Variants in KCNA2 observed in about 807,000 individuals in gnomAD.
KCNA2 encodes potassium channel, voltage gated shaker related subfamily A, member 2.
KCNA2 carries 11 observed loss-of-function variants against 33.4 expected under a neutral mutation model. That is an observed-to-expected ratio of 0.33 (90% CI 0.21 to 0.55). KCNA2 has a LOEUF of 0.55. Ranked by LOEUF, KCNA2 falls within the 20% of genes least tolerant of loss-of-function variation. The pLI, the probability that KCNA2 is intolerant of heterozygous loss-of-function variation, is 0.93. For synonymous variants in KCNA2, 222 were observed against 231.3 expected, an observed-to-expected ratio of 0.96 and a Z score of 0.37; for missense variants, 291 against 621.6, an observed-to-expected ratio of 0.47 and a Z score of 5.66.
rs969683639 is a variant in KCNA2, at chr1:110,600,209, T to C, written c.*3074A>G. 3.0e-5 allele frequency: 29 copies of C among 982,650 alleles called. No homozygotes were observed. Among genetic ancestry groups the C allele is most frequent in the Non-Finnish European group, 3.5e-5 (29 of 829,486 alleles). The allele number at this position is 982,650 out of a possible 1,614,324, so 60.9% of individuals were successfully genotyped here. On this transcript the variant is annotated 3_prime_UTR_variant, in exon 3 of 3. Transcript: ENST00000316361. ...GTATATGTCTGCATTTCATGTGTAT[T>C]GTGCGATATTTTTGGGCATGTGTGC...
chr1:110,621,755 C>T (rs1214028005), intron 1 of KCNA2, among the ~76,000 whole-genome samples: 1 of 152,066 alleles, frequency 6.6e-6, no homozygotes, highest in African/African-American at 2.4e-5. Context: ...GGAGAAATTC[C>T]GTGAGAGACA....
chr1:110,602,523 C>G lies in KCNA2; in HGVS notation c.*760G>C. 1 of 1,089,952 alleles carries G rather than the reference C, an allele frequency of 9.2e-7. No homozygotes were observed. The highest frequency in any genetic ancestry group is 1.1e-6 in the Non-Finnish European group (1 of 896,200). 67.5% of individuals were successfully genotyped at this position (1,089,952 alleles called of 1,614,324 possible). On this transcript the variant is annotated 3_prime_UTR_variant, in exon 3 of 3. Coordinates refer to ENST00000316361, the MANE Select transcript of KCNA2 (RefSeq NM_004974.4). ...AGAAACCAGACATGTTTTTGTGACC[C>G]TGGAGCCTGCAAAAATGGTGAAATC...
At chr1:110,611,692 C>CTCCA (rs1396787507) in intron 1 of KCNA2, among the ~76,000 whole-genome samples, 2 of 150,448 alleles carry the variant, frequency 1.3e-5, no homozygotes. Flanking sequence ...TGCCACTGCA[C>CTCCA]TCCAGCCTGG....
In KCNA2 at chr1:110,601,233, A is replaced by T; in HGVS notation, c.*2050T>A. 1.0e-6 allele frequency: 1 copy of T among 985,402 alleles called. No individual in the cohort carries two copies. Among genetic ancestry groups the T allele is most frequent in the Non-Finnish European group, 1.2e-6 (1 of 829,916 alleles). 61.0% of individuals were successfully genotyped at this position (985,402 alleles called of 1,614,324 possible). ...GAGATCAAAATGATGCCTTTGGATC[A>T]TCTAGGGACTCCATCACTTAGTCCC... On this transcript the variant is annotated 3_prime_UTR_variant, in exon 3 of 3. Transcript: ENST00000316361.
Position 110,598,777 on chromosome 1 carries a change from A to G in KCNA2, c.*4506T>C, listed in dbSNP as rs777626055. ...GCAAGCAGAGAAGAAGGAAGAGAGC[A>G]TGTCAAATATTACTGAAGTTTCAGA... On this transcript the variant is annotated 3_prime_UTR_variant, in exon 3 of 3. Coordinates refer to ENST00000316361, the MANE Select transcript of KCNA2 (RefSeq NM_004974.4). 10 of 985,234 alleles carry G rather than the reference A, an allele frequency of 1.0e-5. No individual in the cohort carries two copies. In the East Asian group the frequency reaches 4.5e-4, roughly 45 times the overall value. The allele number at this position is 985,234 out of a possible 1,614,324, so 61.0% of individuals were successfully genotyped here. A position where few individuals can be genotyped will look rare whatever the true frequency, so the allele number is the denominator to read the frequency against.
At position 110,620,892 on chromosome 1, in the gene KCNA2, G is replaced by C. The variant is rs550981023; in HGVS notation, c.-496+10503C>G. 3.6e-4 allele frequency among the ~76,000 whole-genome samples: 55 copies of C among 152,308 alleles called. No individual in the cohort carries two copies. In the Middle Eastern group the frequency reaches 0.014, roughly 38 times the overall value. ...TCCACCGTTAACAACCTGAACATTT[G>C]TAACAACCAACATAGCTTCTGGCTG... On this transcript the variant is annotated intron_variant, in intron 1 of 4. Coordinates refer to the KCNA2 transcript ENST00000369770.
rs1385378014 is a variant in KCNA2, at chr1:110,597,054, C to T, written c.*6229G>A. 23 of 985,302 alleles carry T rather than the reference C, an allele frequency of 2.3e-5. No homozygotes were observed. Among genetic ancestry groups the T allele is most frequent in the Non-Finnish European group, 2.8e-5 (23 of 829,948 alleles). The allele number at this position is 985,302 out of a possible 1,614,324, so 61.0% of individuals were successfully genotyped here. A position where few individuals can be genotyped will look rare whatever the true frequency, so the allele number is the denominator to read the frequency against. On this transcript the variant is annotated 3_prime_UTR_variant, in exon 3 of 3. Transcript: ENST00000316361. ...TGCCCTAACCACCCAAACTTCTATCCCTGTAGACTTCTACTGAAACCCACA... is the reference window on the plus strand; with the variant it reads ...TGCCCTAACCACCCAAACTTCTATCTCTGTAGACTTCTACTGAAACCCACA...
intron 1 of KCNA2, among the ~76,000 whole-genome samples, chr1:110,623,922 C>CAAAA: frequency 8.0e-6 from 1 of 125,586 alleles, no homozygotes; most frequent in African/African-American, 2.7e-5. Context: ...ACAGTGAAGC[C>CAAAA]AAAAAAAAAA....
Position 110,593,750 on chromosome 1 carries a change from G to T in KCNA2, c.*9533C>A. The stretch of plus-strand genomic sequence containing the variant: ...CAGGTGGACAGGCAATGTTCATTGA[G>T]GCACATATGTACACATATATGTATA... On this transcript the variant is annotated 3_prime_UTR_variant, in exon 3 of 3. Transcript: ENST00000316361. The T allele has an allele frequency of 1.1e-6, 1 of 906,650 alleles. No homozygotes were observed. Among genetic ancestry groups the T allele is most frequent in the Non-Finnish European group, 1.6e-6 (1 of 626,098 alleles). The allele number at this position is 906,650 out of a possible 1,614,324, so 56.2% of individuals were successfully genotyped here.
At chr1:110,627,124 G>A (rs1378711998) in intron 1 of KCNA2, among the ~76,000 whole-genome samples, 1 of 152,196 alleles carries the variant, frequency 6.6e-6, no homozygotes, top group East Asian at 1.9e-4. Context: ...ACATGGTGCA[G>A]CACCACGACC....
At chr1:110,607,310 C>G (rs1321177682), upstream of KCNA2, 2 of 151,498 alleles carry the variant, frequency 1.3e-5, no homozygotes, top group Non-Finnish European at 2.9e-5. Flanking sequence ...CCGGCAGAAC[C>G]CCGGCAGCGG....
At chr1:110,605,220 C>A (rs1649545293) in intron 2 of KCNA2, among the ~76,000 whole-genome samples, 171 bp downstream of exon 2, 1 of 152,142 alleles carries the variant, frequency 6.6e-6, no homozygotes, top group Admixed American at 6.5e-5. Flanking sequence ...GGAGCATAAC[C>A]CCATGCTAAT....
At position 110,604,209 on chromosome 1, in the gene KCNA2, T is replaced by A; in HGVS notation, c.574A>T (p.Asn192Tyr). 1 of 1,614,160 alleles carries A rather than the reference T, an allele frequency of 6.2e-7. No individual in the cohort carries two copies. The highest frequency in any genetic ancestry group is 8.5e-7 in the Non-Finnish European group (1 of 1,180,026). Residue 192 changes from asparagine (N) to tyrosine (Y), a missense_variant, in exon 3 of 3, where the codon AAT becomes TAT. Asn to Tyr is a moderately radical substitution (Grantham distance 143). Around this residue, in one of 5 missense-constraint regions of KCNA2, gnomAD observed 163 missense variants for 273.5 expected, o/e 0.60. Transcript: ENST00000316361. This position sits in a 1 kb window ranked among gnomAD's most constrained non-coding sequence, Gnocchi z 7.6. Reference protein sequence around the residue: ...LETLPIFRDENEDMHGSGVTF... With the variant: ...LETLPIFRDEYEDMHGSGVTF... ...ACCCCACTACCATGCATGTCTTCAT[T>A]CTCATCCCGGAAGATGGGCAATGTT...
rs2101374460 is a variant in KCNA2 at position 110,599,650 on chromosome 1, A to G, written c.*3633T>C. The G allele has an allele frequency of 1.0e-6, 1 of 985,462 alleles. No individual in the cohort carries two copies. Among genetic ancestry groups the G allele is most frequent in the Admixed American group, 6.1e-5 (1 of 16,292 alleles). The allele number at this position is 985,462 out of a possible 1,614,324, so 61.0% of individuals were successfully genotyped here. On this transcript the variant is annotated 3_prime_UTR_variant, in exon 3 of 3. Coordinates refer to ENST00000316361, the MANE Select transcript of KCNA2 (RefSeq NM_004974.4). Reference sequence around the variant, plus strand: ...CGTGCCCCCAACAAAGCTGCAAAGGATGGAAGGGCAATAAAATCTGTGGGC... The same window carrying G: ...CGTGCCCCCAACAAAGCTGCAAAGGGTGGAAGGGCAATAAAATCTGTGGGC...
rs564623504 is a variant in KCNA2 at position 110,600,875 on chromosome 1, G to A, written c.*2408C>T. ...GAGCACCCTGGGCCTAGCACCCTGAGCTGGTGCCCCATGCCCCAAGACAAC... is the reference window on the plus strand; with the variant it reads ...GAGCACCCTGGGCCTAGCACCCTGAACTGGTGCCCCATGCCCCAAGACAAC... On this transcript the variant is annotated 3_prime_UTR_variant, in exon 3 of 3. Coordinates refer to ENST00000316361, the MANE Select transcript of KCNA2 (RefSeq NM_004974.4). 1.6e-5 allele frequency: 16 copies of A among 985,508 alleles called. No individual in the cohort carries two copies. The East Asian group carries it at 1.7e-3, about 105-fold the overall frequency. 61.0% of individuals were successfully genotyped at this position (985,508 alleles called of 1,614,324 possible). A position where few individuals can be genotyped will look rare whatever the true frequency, so the allele number is the denominator to read the frequency against.
chr1:110,598,115 A>G lies in KCNA2; in HGVS notation c.*5168T>C. On this transcript the variant is annotated 3_prime_UTR_variant, in exon 3 of 3. Coordinates refer to ENST00000316361, the MANE Select transcript of KCNA2 (RefSeq NM_004974.4). ...TGATGTTAATGAGGTTAAGGTCATG[A>G]GTTCAAACCCGGCAATGGATACCTT... 4 of 969,150 alleles carry G rather than the reference A, an allele frequency of 4.1e-6. No homozygotes were observed. Among genetic ancestry groups the G allele is most frequent in the Non-Finnish European group, 3.7e-6 (3 of 815,150 alleles). 60.0% of individuals were successfully genotyped at this position (969,150 alleles called of 1,614,324 possible). A position where few individuals can be genotyped will look rare whatever the true frequency, so the allele number is the denominator to read the frequency against.
rs1649135351 is a variant in KCNA2 at position 110,597,269 on chromosome 1, A to C, written c.*6014T>G. 1 of 985,494 alleles carries C rather than the reference A, an allele frequency of 1.0e-6. No homozygotes were observed. Among genetic ancestry groups the C allele is most frequent in the African/African-American group, 1.7e-5 (1 of 57,380 alleles). 61.0% of individuals were successfully genotyped at this position (985,494 alleles called of 1,614,324 possible). A position where few individuals can be genotyped will look rare whatever the true frequency, so the allele number is the denominator to read the frequency against. On this transcript the variant is annotated 3_prime_UTR_variant, in exon 3 of 3. Coordinates refer to ENST00000316361, the MANE Select transcript of KCNA2 (RefSeq NM_004974.4). ...AGAAGGGGAAGCAAAAGGATCAAGT[A>C]ATGGCTTTTAGTGCATGGAAATGAT...
intron 1 of KCNA2, among the ~76,000 whole-genome samples, chr1:110,629,366 A>T (rs767714184): frequency 4.3e-4 from 66 of 152,230 alleles, no homozygotes; most frequent in Non-Finnish European, 5.4e-4. Context: ...ATAGAAATTG[A>T]ATAAGTCTCA....
intron 1 of KCNA2, among the ~76,000 whole-genome samples, chr1:110,624,618 A>T (rs1053258071): frequency 1.3e-5 from 2 of 152,246 alleles, no homozygotes; most frequent in African/African-American, 4.8e-5. Flanking sequence ...TTATACCTCG[A>T]TAAAGCTGTT....
Sources: gnomAD v4.1 joint callset for allele counts (sites outside exome capture counted in the v4.1 genomes callset) on GRCh38, gnomAD v4.1.1 for gene constraint, gnomAD v4.1.1 regional missense constraint, Gnocchi (gnomAD v3.1) non-coding constraint, MANE v1.5 for transcripts, NCBI Gene and HGNC (gene_info 2026-07-23, HGNC 2026-07-21) for gene names.